DRC1: variants seen among roughly 807,000 people sequenced by gnomAD.
DRC1 encodes dynein regulatory complex protein 1.
Under a neutral mutation model 98.7 loss-of-function variants are expected in DRC1, and 74 were observed. That is an observed-to-expected ratio of 0.75 (90% confidence interval 0.62 to 0.91). The LOEUF (loss-of-function observed/expected upper bound fraction) is 0.91, where lower values mean the gene tolerates loss of function less well. Ranked by LOEUF, DRC1 falls within the 40% of genes least tolerant of loss-of-function variation. The probability of loss-of-function intolerance (pLI) is 0.00; values close to 1 mark genes in which losing one functional copy is unlikely to be tolerated. For missense variants in DRC1, 875 were observed against 886.0 expected (o/e 0.99, Z 0.16); for synonymous variants, 336 against 334.1 (o/e 1.01, Z -0.06).
chr2:26,442,884 G>A (rs548514124), intron 8 of DRC1, among the ~76,000 whole-genome samples: 21 of 152,090 alleles, frequency 1.4e-4, no homozygotes, highest in Non-Finnish European at 2.6e-4. Flanking sequence ...CTGCTATCTT[G>A]CCCAGACCTT....
intron 15 of DRC1, 73 bp from the exon 16 acceptor site, chr2:26,455,058 A>G: frequency 6.4e-7 from 1 of 1,553,586 alleles, no homozygotes; most frequent in Non-Finnish European, 8.9e-7. Flanking sequence ...AAGTACAACC[A>G]CCAAGACCCT....
At chr2:26,425,495 C>A (rs1572364600) in intron 4 of DRC1, among the ~76,000 whole-genome samples, 2 of 152,236 alleles carry the variant, frequency 1.3e-5, no homozygotes, top group South Asian at 4.1e-4. Flanking sequence ...TTAGGAACCT[C>A]CATACTGTTT....
Position 26,440,498 on chromosome 2 carries a change from C to A in DRC1, c.1009C>A (p.Gln337Lys), listed in dbSNP as rs1435637520. 1 of 1,610,966 alleles carries A rather than the reference C, an allele frequency of 6.2e-7. No individual in the cohort carries two copies. Among genetic ancestry groups the A allele is most frequent in the Admixed American group, 1.7e-5 (1 of 59,906 alleles). Reference sequence around the variant, plus strand: ...AGAAAGCACAGTAATTAAATCCCAGCAGAAGAGGAAGATCAATCGGTAAGC... The same window carrying A: ...AGAAAGCACAGTAATTAAATCCCAGAAGAAGAGGAAGATCAATCGGTAAGC... ...DEESTVIKSQ[Q>K]KRKINRLHDI... The change falls in exon 8 of 17, where the codon CAG (glutamine) becomes AAG (lysine). Residue 337 changes from glutamine (Q) to lysine (K), a missense_variant. Transcript: ENST00000288710.
chr2:26,416,358 T>G (rs1678803049), intron 2 of DRC1, among the ~76,000 whole-genome samples: 1 of 152,132 alleles, frequency 6.6e-6, no homozygotes. Context: ...GCCAGGATGG[T>G]CTTGATCTCT....
chr2:26,406,146 A>T (rs544318508), intron 1 of DRC1, among the ~76,000 whole-genome samples: 1 of 152,242 alleles, frequency 6.6e-6, no homozygotes, highest in African/African-American at 2.4e-5. Flanking sequence ...TGAAGCTTAC[A>T]TATATATTAT....
chr2:26,440,276 T>G, intron 7 of DRC1, 102 bp from the exon 8 acceptor site: 1 of 1,306,642 alleles, frequency 7.7e-7, no homozygotes, highest in South Asian at 2.6e-5. Context: ...TTAAATACTC[T>G]AGTGTATATA....
intron 7 of DRC1, among the ~76,000 whole-genome samples, chr2:26,435,193 G>A (rs1001817206): frequency 1.3e-5 from 2 of 152,184 alleles, no homozygotes; most frequent in African/African-American, 4.8e-5. Flanking sequence ...CTGTGGAGAA[G>A]CTTGTGCTGC....
chr2:26,438,087 CAAAAAA>C (rs61571007), intron 7 of DRC1, among the ~76,000 whole-genome samples: 2 of 50,096 alleles, frequency 4.0e-5, no homozygotes, highest in Admixed American at 2.1e-4. Flanking sequence ...GACTCTATCT[CAAAAAA>C]AAAAAAAAAA....
At chr2:26,446,099 T>G (rs1448737553) in intron 10 of DRC1, among the ~76,000 whole-genome samples, 2 of 147,006 alleles carry the variant, frequency 1.4e-5, no homozygotes, top group Non-Finnish European at 3.0e-5. Context: ...AGGGAATTTT[T>G]TTTTTTTTTT....
chr2:26,405,260 A>AT (rs1678380586), intron 1 of DRC1, among the ~76,000 whole-genome samples: 1 of 152,114 alleles, frequency 6.6e-6, no homozygotes, highest in Non-Finnish European at 1.5e-5. Context: ...ATGATGCCAT[A>AT]TTTTGTAAGC....
chr2:26,442,665 A>G (rs1663747453), intron 8 of DRC1, among the ~76,000 whole-genome samples: 1 of 151,880 alleles, frequency 6.6e-6, no homozygotes, highest in Admixed American at 6.6e-5. Flanking sequence ...CTCACCTTTC[A>G]TTTACCTGGA....
intron 1 of DRC1, among the ~76,000 whole-genome samples, chr2:26,403,478 A>T (rs1427419676): frequency 6.6e-6 from 1 of 152,200 alleles, no homozygotes; most frequent in Non-Finnish European, 1.5e-5. Context: ...TTAGAATTGT[A>T]AAAATCATTT....
chr2:26,406,031 T>C (rs1678415218), intron 1 of DRC1, among the ~76,000 whole-genome samples: 1 of 152,144 alleles, frequency 6.6e-6, no homozygotes, highest in South Asian at 2.1e-4. Flanking sequence ...ACCATTTCAA[T>C]GTGCTCTCAA....
chr2:26,450,450 A>G lies in DRC1; in HGVS notation c.1600-142A>G, dbSNP rs1663972065. 8 of 703,600 alleles carry G rather than the reference A, an allele frequency of 1.1e-5. 1 individual carries two copies. The South Asian group carries it at 1.3e-4, about 12-fold the overall frequency. 43.6% of individuals were successfully genotyped at this position (703,600 alleles called of 1,614,324 possible). The stretch of plus-strand genomic sequence containing the variant: ...GTGTGTTCTGATGTGTGTGTCCCCA[A>G]GTTCACAGTCGCTTCCCAGCGTTGG... On this transcript the variant is annotated intron_variant, in intron 12 of 16. Coordinates refer to ENST00000288710, the MANE Select transcript of DRC1 (RefSeq NM_145038.5).
In DRC1 at chr2:26,414,447, C is replaced by T. The variant is rs1245206096; in HGVS notation, c.243+16C>T. 1 of 1,611,474 alleles carries T rather than the reference C, an allele frequency of 6.2e-7. No homozygotes were observed. The highest frequency in any genetic ancestry group is 8.5e-7 in the Non-Finnish European group (1 of 1,178,484). On this transcript the variant is annotated intron_variant, in intron 2 of 16. Coordinates refer to ENST00000288710, the MANE Select transcript of DRC1 (RefSeq NM_145038.5). ...AAGCCGATTGGTATGAACTGGTTGG[C>T]AGATGGGCTCTGGAAGACCAGTGAG...
intron 4 of DRC1, among the ~76,000 whole-genome samples, chr2:26,424,887 G>T (rs970726749): frequency 1.3e-5 from 2 of 152,148 alleles, no homozygotes; most frequent in African/African-American, 4.8e-5. Flanking sequence ...GGGAGACAAA[G>T]GTTGCAGTGA....
chr2:26,448,505 C>A (rs1663916670), intron 10 of DRC1, 186 bp from the exon 11 acceptor site: 2 of 718,792 alleles, frequency 2.8e-6, no homozygotes, highest in Non-Finnish European at 5.1e-6. Context: ...GATTCCGACC[C>A]CCTAGCCCGC....
Position 26,444,227 on chromosome 2 carries a change from A to G in DRC1, c.1034A>G (p.His345Arg), listed in dbSNP as rs775210361. The change falls in exon 9 of 17, where the codon CAT becomes CGT. Residue 345 changes from histidine to arginine, a missense_variant. By Grantham distance (29) the His-to-Arg change is conservative. Coordinates refer to ENST00000288710, the MANE Select transcript of DRC1 (RefSeq NM_145038.5). ...CCTTTTTCTCCTTCAACCAGCCTGCATGATATACTTAACAATCTGAGATCA... is the reference window on the plus strand; with the variant it reads ...CCTTTTTCTCCTTCAACCAGCCTGCGTGATATACTTAACAATCTGAGATCA... The part of the protein sequence containing the change: ...SQQKRKINRL[H>R]DILNNLRSKY... 49 of 1,614,042 alleles carry G rather than the reference A, an allele frequency of 3.0e-5. No individual in the cohort carries two copies. Among genetic ancestry groups the G allele is most frequent in the Non-Finnish European group, 4.1e-5 (48 of 1,180,048 alleles).
intron 1 of DRC1, among the ~76,000 whole-genome samples, chr2:26,405,983 G>A (rs1031984960): frequency 6.6e-6 from 1 of 152,102 alleles, no homozygotes; most frequent in Non-Finnish European, 1.5e-5. Flanking sequence ...AGTGGTTGGG[G>A]CCGCGCATTG....
Sources: gnomAD v4.1 joint callset for allele counts (sites outside exome capture counted in the v4.1 genomes callset) on GRCh38, gnomAD v4.1.1 for gene constraint, MANE v1.5 for transcripts, NCBI Gene and HGNC (gene_info 2026-07-23, HGNC 2026-07-21) for gene names.